ENAH: variants seen among roughly 807,000 people sequenced by gnomAD.
The protein encoded by ENAH is ENAH actin regulator, also known as protein enabled homolog.
ENAH carries 23 observed loss-of-function variants against 78.7 expected under a neutral mutation model. That is an observed-to-expected ratio of 0.29 (90% confidence interval 0.21 to 0.41). The LOEUF is 0.41. ENAH is among the 10% of genes least tolerant of loss of function. The probability of loss-of-function intolerance (pLI) is 1.00; values close to 1 mark genes in which losing one functional copy is unlikely to be tolerated. For synonymous variants in ENAH, 226 were observed against 241.0 expected (o/e 0.94, Z 0.58); for missense variants, 544 against 691.0 (o/e 0.79, Z 2.39).
chr1:225,613,201 C>G (rs1462398268), intron 1 of ENAH, among the ~76,000 whole-genome samples: 1 of 152,196 alleles, frequency 6.6e-6, no homozygotes, highest in African/African-American at 2.4e-5. Context: ...CCTCATCTTT[C>G]AGAGCAACTC....
chr1:225,508,071 T>A, intron 10 of ENAH, 54 bp from the exon 11 acceptor site: 4 of 1,180,008 alleles, frequency 3.4e-6, no homozygotes, highest in Non-Finnish European at 4.7e-6. Flanking sequence ...CCAGAGTTAT[T>A]ATAAAACAAA....
intron 2 of ENAH, among the ~76,000 whole-genome samples, chr1:225,565,191 T>A (rs1333340311): frequency 1.3e-5 from 2 of 152,218 alleles, no homozygotes; most frequent in African/African-American, 4.8e-5. Context: ...ATCCTTGCAC[T>A]TTGGGAGGCT....
intron 4 of ENAH, among the ~76,000 whole-genome samples, chr1:225,520,023 G>A (rs972944099): frequency 1.3e-5 from 2 of 152,180 alleles, no homozygotes; most frequent in African/African-American, 4.8e-5. Context: ...GCCAGGTGTA[G>A]TGACTCACAC....
chr1:225,553,485 C>T (rs61850572), intron 3 of ENAH, among the ~76,000 whole-genome samples: 326 of 151,798 alleles, frequency 2.1e-3, no homozygotes, highest in Non-Finnish European at 3.7e-3. Flanking sequence ...CTAGTTTGTT[C>T]TAAAACACGG....
rs1217037883 is a variant in ENAH at position 225,497,439 on chromosome 1, T to C, written c.*336A>G. 1 of 175,750 alleles carries C rather than the reference T, an allele frequency of 5.7e-6. No individual in the cohort carries two copies. Among genetic ancestry groups the C allele is most frequent in the Non-Finnish European group, 1.2e-5 (1 of 82,898 alleles). 10.9% of individuals were successfully genotyped at this position (175,750 alleles called of 1,614,324 possible). On this transcript the variant is annotated 3_prime_UTR_variant, in exon 14 of 14. Transcript: ENST00000366843. The stretch of plus-strand genomic sequence containing the variant: ...TTTTAGCAATGTATTGTGGAAAATG[T>C]GCGACTTTATCTTGATATGAAAATA...
At chr1:225,590,597 C>G (rs551423889) in intron 1 of ENAH, among the ~76,000 whole-genome samples, 2 of 152,182 alleles carry the variant, frequency 1.3e-5, no homozygotes, top group East Asian at 3.9e-4. Flanking sequence ...TTTTCTCCCC[C>G]CCATTCCCTT....
intron 4 of ENAH, among the ~76,000 whole-genome samples, chr1:225,521,003 C>T (rs1215609579): frequency 6.8e-6 from 1 of 147,912 alleles, no homozygotes; most frequent in African/African-American, 2.5e-5. Context: ...CTGAGGATAT[C>T]TGGGATGAGA....
intron 5 of ENAH, among the ~76,000 whole-genome samples, chr1:225,518,890 C>T (rs2151164814): frequency 1.3e-5 from 2 of 152,180 alleles, no homozygotes; most frequent in South Asian, 2.1e-4. Context: ...TGAAGTTCAT[C>T]CAGTATAAAA....
At chr1:225,603,334 T>C (rs1017780332) in intron 1 of ENAH, among the ~76,000 whole-genome samples, 1 of 152,184 alleles carries the variant, frequency 6.6e-6, no homozygotes, top group African/African-American at 2.4e-5. Context: ...GCGCTTGAGA[T>C]ACATACTTTA....
chr1:225,568,914 A>G (rs1020824412), intron 1 of ENAH, among the ~76,000 whole-genome samples: 13 of 152,268 alleles, frequency 8.5e-5, no homozygotes, highest in African/African-American at 3.1e-4. Context: ...ACTTGTAACA[A>G]TATTTGTGCA....
In ENAH at chr1:225,511,457, T is replaced by C. The variant is rs113292193; in HGVS notation, c.1471+354A>G. Among the ~76,000 whole-genome samples the C allele has an allele frequency of 1.4e-3, 219 of 152,336 alleles. 1 individual carries two copies. The highest frequency in any genetic ancestry group is 5.0e-3 in the African/African-American group (208 of 41,584). Reference sequence around the variant, plus strand: ...GAAACTTTATTCCCTTAATTATCAATATCACCCAAATGAATGGCTAGGACA... The same window carrying C: ...GAAACTTTATTCCCTTAATTATCAACATCACCCAAATGAATGGCTAGGACA... On this transcript the variant is annotated intron_variant, in intron 10 of 13. Coordinates refer to ENST00000366843, the MANE Select transcript of ENAH (RefSeq NM_018212.6).
rs1478605593 is a variant in ENAH, at chr1:225,652,518, G to T, written c.5+168C>A. The T allele has an allele frequency of 3.6e-6, 3 of 839,450 alleles. No individual in the cohort carries two copies. The East Asian group carries it at 3.7e-4, about 104-fold the overall frequency. 52.0% of individuals were successfully genotyped at this position (839,450 alleles called of 1,614,324 possible). On this transcript the variant is annotated intron_variant, in intron 1 of 13. Transcript: ENST00000366843. ...CCACACGGGTTGGGGAGGTTTCCAA[G>T]AAAGAAAGAGAAATTGGAAGGGACA...
At chr1:225,560,968 G>C (rs886927684) in intron 2 of ENAH, among the ~76,000 whole-genome samples, 2 of 152,212 alleles carry the variant, frequency 1.3e-5, no homozygotes, top group African/African-American at 2.4e-5. Context: ...GGGCACAGTG[G>C]CTCATGCCTG....
chr1:225,535,462 A>G, intron 3 of ENAH: 1 of 1,225,888 alleles, frequency 8.2e-7, no homozygotes, highest in Non-Finnish European at 1.1e-6. Flanking sequence ...CGCAAGTAGC[A>G]TGTACCACAG....
chr1:225,637,119 G>A (rs1660202582), intron 1 of ENAH, among the ~76,000 whole-genome samples: 1 of 152,180 alleles, frequency 6.6e-6, no homozygotes, highest in Non-Finnish European at 1.5e-5. Flanking sequence ...TGTTTCTCGA[G>A]GGCCCTGAAT....
In ENAH at chr1:225,490,676, C is replaced by G. The variant is rs2096218347; in HGVS notation, c.*7099G>C. 1.3e-5 allele frequency: 2 copies of G among 152,194 alleles called. No homozygotes were observed. The highest frequency in any genetic ancestry group is 6.5e-5 in the Admixed American group (1 of 15,278). 9.4% of individuals were successfully genotyped at this position (152,194 alleles called of 1,614,324 possible). ...TGACTCAGGCCTGAACCTCCCATCC[C>G]TCTAGTAATAAAGAAGAAAGGAAAT... On this transcript the variant is annotated 3_prime_UTR_variant, in exon 14 of 14. Transcript: ENST00000366843.
chr1:225,572,691 A>C (rs1359888209), intron 1 of ENAH, among the ~76,000 whole-genome samples: 4 of 152,208 alleles, frequency 2.6e-5, no homozygotes, highest in Non-Finnish European at 4.4e-5. Flanking sequence ...CAAGCCTCAA[A>C]ATGAATGCCC....
At chr1:225,611,219 T>C (rs1214335501) in intron 1 of ENAH, among the ~76,000 whole-genome samples, 2 of 152,210 alleles carry the variant, frequency 1.3e-5, no homozygotes, top group African/African-American at 4.8e-5. Flanking sequence ...ATCCCAGCAC[T>C]TTGGGAGCCA....
chr1:225,653,746 G>C (rs1363361303), upstream of ENAH, among the ~76,000 whole-genome samples: 1 of 152,202 alleles, frequency 6.6e-6, no homozygotes, highest in Non-Finnish European at 1.5e-5. The surrounding 1 kb of genome is among the most constrained non-coding windows in gnomAD (Gnocchi z 4.3). Context: ...AGGGAATCGG[G>C]GGGCATCCCG....
Sources: allele counts gnomAD v4.1 joint callset (sites outside exome capture counted in the v4.1 genomes callset), GRCh38; gene constraint gnomAD v4.1.1; non-coding constraint Gnocchi (gnomAD v3.1); transcripts MANE v1.5; gene names NCBI Gene and HGNC (gene_info 2026-07-23, HGNC 2026-07-21).